Variants in PLB1 observed in about 807,000 individuals in gnomAD.
PLB1 encodes phospholipase B1, also known as phospholipase B1, membrane-associated.
Under a neutral mutation model 227.4 loss-of-function variants are expected in PLB1, and 242 were observed. The ratio of observed to expected loss-of-function variants is 1.06; its 90% CI spans 0.96 to 1.18. The LOEUF is 1.18. Ranked by LOEUF, PLB1 falls within the 50% of genes most tolerant of loss-of-function variation. The pLI is 0.00. For missense variants in PLB1, 1,858 were observed against 1,816.3 expected (o/e 1.02, Z -0.42); for synonymous variants, 757 against 682.2 (o/e 1.11, Z -1.71).
intron 43 of PLB1, 29 bp downstream of exon 43, chr2:28,606,596 C>T (rs752672647): frequency 3.7e-6 from 6 of 1,601,290 alleles, no homozygotes; most frequent in Non-Finnish European, 5.1e-6. Flanking sequence ...CCTGGCTCCT[C>T]TCCACAAACC....
At chr2:28,569,460 A>G (rs1266792928) in intron 20 of PLB1, among the ~76,000 whole-genome samples, 1 of 152,218 alleles carries the variant, frequency 6.6e-6, no homozygotes, top group Non-Finnish European at 1.5e-5. Flanking sequence ...TGAGATTGCA[A>G]AGTTCAACAA....
In PLB1 at chr2:28,633,391, C is replaced by A. The variant is rs1688917934; in HGVS notation, c.4098+352C>A. 2.0e-5 allele frequency: 5 copies of A among 253,888 alleles called. No homozygotes were observed. The South Asian group carries it at 2.9e-4, about 15-fold the overall frequency. 15.7% of individuals were successfully genotyped at this position (253,888 alleles called of 1,614,324 possible). A position where few individuals can be genotyped will look rare whatever the true frequency, so the allele number is the denominator to read the frequency against. ...CTTGGGCAAACGATCTCTCTGGCCACCTGTATCAACATCTATAAAACAGTG... is the reference window on the plus strand; with the variant it reads ...CTTGGGCAAACGATCTCTCTGGCCAACTGTATCAACATCTATAAAACAGTG... On this transcript the variant is annotated intron_variant, in intron 56 of 57. Transcript: ENST00000327757.
At chr2:28,618,484 C>A in intron 46 of PLB1, 85 bp downstream of exon 46, 1 of 1,394,324 alleles carries the variant, frequency 7.2e-7, no homozygotes, top group Admixed American at 1.7e-5. Context: ...AGCATTGGCT[C>A]CGCTTTCAGT....
chr2:28,569,606 A>G (rs998019355), intron 20 of PLB1, among the ~76,000 whole-genome samples: 1 of 152,210 alleles, frequency 6.6e-6, no homozygotes, highest in Non-Finnish European at 1.5e-5. Flanking sequence ...AATAAATCAG[A>G]TAACTTGGAT....
At chr2:28,621,201 C>T (rs1055897196) in intron 49 of PLB1, among the ~76,000 whole-genome samples, 3 of 152,160 alleles carry the variant, frequency 2.0e-5, no homozygotes, top group Non-Finnish European at 4.4e-5. Context: ...AGCAAGTTAT[C>T]AGAGGAGGCA....
chr2:28,514,294 A>G (rs1371581095), intron 1 of PLB1, among the ~76,000 whole-genome samples: 3 of 151,984 alleles, frequency 2.0e-5, no homozygotes, highest in African/African-American at 7.3e-5. Context: ...TGTCTCATTG[A>G]TCTAGTTGGT....
chr2:28,618,422 G>A, intron 46 of PLB1, 23 bp downstream of exon 46: 1 of 1,612,080 alleles, frequency 6.2e-7, no homozygotes, highest in Non-Finnish European at 8.5e-7. Flanking sequence ...CCATGAACCA[G>A]GATGGGCAGC....
chr2:28,590,168 C>T (rs1163975793), intron 29 of PLB1, 92 bp downstream of exon 29: 9 of 1,112,838 alleles, frequency 8.1e-6, no homozygotes, highest in Non-Finnish European at 1.2e-5. Context: ...CCAGCTCTGC[C>T]TGCCCACCCA....
At position 28,600,803 on chromosome 2, in the gene PLB1, T is replaced by C; in HGVS notation, c.2475-6T>C. Reference sequence around the variant, plus strand: ...AACAGAAGGATGGGTTTTCTCTCTTTCTCAGGGATCTTATGAGCCAAGTCC... The same window carrying C: ...AACAGAAGGATGGGTTTTCTCTCTTCCTCAGGGATCTTATGAGCCAAGTCC... On this transcript the variant is annotated splice_region_variant and splice_polypyrimidine_tract_variant and intron_variant, in intron 35 of 57. Transcript: ENST00000327757. The C allele has an allele frequency of 6.2e-7, 1 of 1,613,466 alleles. No homozygotes were observed. Among genetic ancestry groups the C allele is most frequent in the Non-Finnish European group, 8.5e-7 (1 of 1,179,350 alleles).
Position 28,529,404 on chromosome 2 carries a change from CTGAG to C in PLB1, c.415_416+2del, listed in dbSNP as rs1308067716. 4.4e-6 allele frequency: 7 copies of C among 1,594,326 alleles called. No individual in the cohort carries two copies. The highest frequency in any genetic ancestry group is 1.3e-5 in the African/African-American group (1 of 74,480). ...AAGAGAGTCATACCCCACGATGGTG[CTGAG>C]TAAGTTCCCTTTCTGTCTCTCTCTG... On this transcript the variant is annotated splice_donor_variant and coding_sequence_variant, in exon 7 of 58. Transcript: ENST00000327757. LOFTEE classifies it high-confidence loss of function.
intron 14 of PLB1, 132 bp downstream of exon 14, chr2:28,543,400 A>AGACAGAAGCATCCC: frequency 1.1e-6 from 1 of 930,842 alleles, no homozygotes; most frequent in Non-Finnish European, 1.6e-6. Context: ...GCCACCAGGG[A>AGACAGAAGCATCCC]TGCTTCTGTC....
At chr2:28,500,366 C>T (rs992236613) in intron 1 of PLB1, among the ~76,000 whole-genome samples, 1 of 152,176 alleles carries the variant, frequency 6.6e-6, no homozygotes, top group Non-Finnish European at 1.5e-5. Context: ...GGCTGCCTGA[C>T]TTTTTTCCCT....
At chr2:28,571,589 G>A (rs570939309) in intron 20 of PLB1, among the ~76,000 whole-genome samples, 25 of 152,284 alleles carry the variant, frequency 1.6e-4, no homozygotes, top group Non-Finnish European at 2.8e-4. Flanking sequence ...ACTAGCATGA[G>A]GATAGACATA....
At position 28,620,610 on chromosome 2, in the gene PLB1, G is replaced by A; in HGVS notation, c.3394G>A (p.Asp1132Asn). 6.2e-7 allele frequency: 1 copy of A among 1,613,808 alleles called. No individual in the cohort carries two copies. Among genetic ancestry groups the A allele is most frequent in the Non-Finnish European group, 8.5e-7 (1 of 1,179,904 alleles). The stretch of plus-strand genomic sequence containing the variant: ...CTTTCTCCTCCCCAGCATTGGAGGG[G>A]ATGGGAACTTGGAGACTCACACCAC... Reference protein sequence around the residue: ...WRGLSWSIGGDGNLETHTTLP... With the variant: ...WRGLSWSIGGNGNLETHTTLP... Residue 1132 changes from aspartate to asparagine, a missense_variant, in exon 48 of 58, where the codon GAT (aspartate) becomes AAT (asparagine). Coordinates refer to ENST00000327757, the MANE Select transcript of PLB1 (RefSeq NM_153021.5).
In PLB1 at chr2:28,566,847, C is replaced by G. The variant is rs769874405; in HGVS notation, c.1324+8C>G. 14 of 1,613,742 alleles carry G rather than the reference C, an allele frequency of 8.7e-6. No homozygotes were observed. The Admixed American group carries it at 2.2e-4, about 25-fold the overall frequency. ...CCGTTACCACCCTGGCGAGTGAGTA[C>G]GCGGCGGCGGCCGGGATGTTTGGTT... On this transcript the variant is annotated splice_region_variant and intron_variant, in intron 20 of 57. Coordinates refer to ENST00000327757, the MANE Select transcript of PLB1 (RefSeq NM_153021.5).
chr2:28,633,879 T>C (rs981736779), intron 56 of PLB1, among the ~76,000 whole-genome samples: 1 of 152,204 alleles, frequency 6.6e-6, no homozygotes, highest in African/African-American at 2.4e-5. Context: ...CCCTCCTTTG[T>C]CCTATGACAA....
chr2:28,598,569 G>GT, intron 34 of PLB1, 83 bp from the exon 35 acceptor site: 1 of 1,084,284 alleles, frequency 9.2e-7, no homozygotes, highest in Non-Finnish European at 1.4e-6. Context: ...GCCCACTTTG[G>GT]GGACCTAGGT....
intron 56 of PLB1, among the ~76,000 whole-genome samples, chr2:28,638,589 G>A (rs1689632323): frequency 6.6e-6 from 1 of 152,110 alleles, no homozygotes; most frequent in Non-Finnish European, 1.5e-5. Flanking sequence ...CAGAGGAGGA[G>A]AGACGCTGTC....
intron 23 of PLB1, among the ~76,000 whole-genome samples, chr2:28,581,083 T>G (rs1679851817): frequency 6.6e-6 from 1 of 152,118 alleles, no homozygotes. Flanking sequence ...TGACACAGCT[T>G]TCATATGTTC....
Sources: gnomAD v4.1 joint callset for allele counts (sites outside exome capture counted in the v4.1 genomes callset) on GRCh38, gnomAD v4.1.1 for gene constraint, MANE v1.5 for transcripts, NCBI Gene and HGNC (gene_info 2026-07-23, HGNC 2026-07-21) for gene names.